Variants in WDFY4 observed in about 807,000 individuals in gnomAD.
The protein encoded by WDFY4 is WDFY family member 4, also known as WD repeat- and FYVE domain-containing protein 4.
A neutral mutation model predicts 351.9 loss-of-function variants in WDFY4; 169 were observed. The ratio of observed to expected loss-of-function variants is 0.48; its 90% CI spans 0.42 to 0.55. The LOEUF (loss-of-function observed/expected upper bound fraction) is 0.55, where lower values mean the gene tolerates loss of function less well. Among genes scored for constraint, WDFY4 ranks in the 20% least tolerant of loss-of-function variants. The probability of loss-of-function intolerance (pLI) is 0.00; values close to 1 mark genes in which losing one functional copy is unlikely to be tolerated. For synonymous variants in WDFY4, 1,622 were observed against 1,574.6 expected, an observed-to-expected ratio of 1.03 and a Z score of -0.71; for missense variants, 3,803 against 3,935.6, an observed-to-expected ratio of 0.97 and a Z score of 0.90.
intron 13 of WDFY4, among the ~76,000 whole-genome samples, chr10:48,772,341 G>C (rs544806355): frequency 6.6e-6 from 1 of 152,206 alleles, no homozygotes; most frequent in African/African-American, 2.4e-5. Context: ...TGTGCACACA[G>C]GCATGTATGG....
intron 12 of WDFY4, among the ~76,000 whole-genome samples, chr10:48,757,880 C>A (rs1384431428): frequency 6.6e-6 from 1 of 152,010 alleles, no homozygotes; most frequent in African/African-American, 2.4e-5. Flanking sequence ...TACCTCTACG[C>A]CGTTCCCTCT....
intron 45 of WDFY4, among the ~76,000 whole-genome samples, chr10:48,900,020 C>A (rs1402126200): frequency 6.6e-6 from 1 of 152,118 alleles, no homozygotes; most frequent in South Asian, 2.1e-4. Flanking sequence ...TGTGGTCAGG[C>A]CCCCTGCCCT....
intron 7 of WDFY4, among the ~76,000 whole-genome samples, chr10:48,728,495 A>C (rs2064344399): frequency 6.6e-6 from 1 of 152,066 alleles, no homozygotes; most frequent in Admixed American, 6.6e-5. Context: ...AGAATGAGAC[A>C]CCCTCCTCCT....
intron 51 of WDFY4, among the ~76,000 whole-genome samples, chr10:48,955,507 C>T (rs1391720625): frequency 6.6e-6 from 1 of 152,240 alleles, no homozygotes; most frequent in Non-Finnish European, 1.5e-5. Flanking sequence ...CAGTTTGTCC[C>T]AGGTCCAGGG....
chr10:48,813,361 AT>A (rs2067521499), intron 30 of WDFY4, among the ~76,000 whole-genome samples: 1 of 152,198 alleles, frequency 6.6e-6, no homozygotes, highest in Non-Finnish European at 1.5e-5. Context: ...CTGAGTTTTT[AT>A]TTCTCTAACA....
chr10:48,857,666 C>T (rs992189758), intron 39 of WDFY4, among the ~76,000 whole-genome samples: 1 of 152,160 alleles, frequency 6.6e-6, no homozygotes, highest in African/African-American at 2.4e-5. Context: ...ATTAAAGTCT[C>T]TATATCCATC....
rs1218610066 is a variant in WDFY4, at chr10:48,706,848, G to A, written c.-17-2868G>A. The stretch of plus-strand genomic sequence containing the variant: ...TTGGATATCACTTAAGTGCCTAAGT[G>A]TAAGGGCTTATTAAATAAACAAGCA... On this transcript the variant is annotated intron_variant, in intron 1 of 61. Coordinates refer to ENST00000325239, the MANE Select transcript of WDFY4 (RefSeq NM_001394531.1). 2.0e-5 allele frequency among the ~76,000 whole-genome samples: 3 copies of A among 152,204 alleles called. No homozygotes were observed. In the East Asian group the frequency reaches 5.8e-4, roughly 29 times the overall value.
chr10:48,951,952 G>C (rs1841345078), intron 51 of WDFY4, among the ~76,000 whole-genome samples: 1 of 152,254 alleles, frequency 6.6e-6, no homozygotes, highest in South Asian at 2.1e-4. Flanking sequence ...TGTTAATTAA[G>C]TCACAGCCCA....
At chr10:48,957,043 G>T in intron 51 of WDFY4, 86 bp from the exon 52 acceptor site, 1 of 1,486,362 alleles carries the variant, frequency 6.7e-7, no homozygotes. Context: ...GGTGGAACCC[G>T]TGCCTCTGAG....
rs1280652986 is a variant in WDFY4, at chr10:48,811,642, G to A, written c.5148G>A (p.Glu1716=). The A allele has an allele frequency of 1.9e-6, 3 of 1,551,874 alleles. No individual in the cohort carries two copies. The highest frequency in any genetic ancestry group is 2.6e-6 in the Non-Finnish European group (3 of 1,147,054). The change falls in exon 30 of 62, where the codon GAG becomes GAA. Residue 1716 remains glutamate (E), a synonymous_variant. Coordinates refer to ENST00000325239, the MANE Select transcript of WDFY4 (RefSeq NM_001394531.1). Reference sequence around the variant, plus strand: ...TGGCCCACCACGTCCACATTCCAGAGGTCTACCTCATCGTCTCCACCTTCT... The same window carrying A: ...TGGCCCACCACGTCCACATTCCAGAAGTCTACCTCATCGTCTCCACCTTCT... The part of the protein sequence containing the change: ...DFLAHHVHIP[E]VYLIVSTFFL...
Position 48,900,283 on chromosome 10 carries a change from T to C in WDFY4, c.7500T>C (p.Asn2500=), listed in dbSNP as rs1837288485. The C allele has an allele frequency of 2.6e-6, 4 of 1,551,662 alleles. No individual in the cohort carries two copies. In the East Asian group the frequency reaches 7.3e-5, roughly 28 times the overall value. ...CCAAGTTTCTTGTCTTCTACAACAA[T>C]GATCGGAGTAAGGCCTTTAAAAGGT... ...GYSKFLVFYN[N]DRSKAFKSFC... Residue 2500 remains asparagine, a synonymous_variant, in exon 46 of 62, where the codon AAT becomes AAC. Transcript: ENST00000325239.
At chr10:48,732,901 G>A (rs1031671477) in intron 9 of WDFY4, among the ~76,000 whole-genome samples, 4 of 152,214 alleles carry the variant, frequency 2.6e-5, no homozygotes, top group Non-Finnish European at 5.9e-5. Context: ...TCAGGACTGC[G>A]AAGGATGAGC....
chr10:48,837,538 G>C (rs2068445915), intron 39 of WDFY4, among the ~76,000 whole-genome samples: 1 of 152,170 alleles, frequency 6.6e-6, no homozygotes, highest in Non-Finnish European at 1.5e-5. Flanking sequence ...GCTGTAGCTG[G>C]AGTAGTGAAC....
chr10:48,830,958 T>G, intron 38 of WDFY4, 73 bp downstream of exon 38: 2 of 1,461,456 alleles, frequency 1.4e-6, no homozygotes, highest in South Asian at 2.7e-5. Context: ...AAGGTTCAAC[T>G]CAGTGCCTAG....
chr10:48,897,419 T>G lies in WDFY4; in HGVS notation c.7317-35T>G, dbSNP rs1213091784. On this transcript the variant is annotated intron_variant, in intron 44 of 61. Coordinates refer to ENST00000325239, the MANE Select transcript of WDFY4 (RefSeq NM_001394531.1). ...CTGCACGTGTCCTCACTCTGATGTCTGAACATGTGCCCTGCATGCCTGTTT... is the reference window on the plus strand; with the variant it reads ...CTGCACGTGTCCTCACTCTGATGTCGGAACATGTGCCCTGCATGCCTGTTT... 4 of 1,544,596 alleles carry G rather than the reference T, an allele frequency of 2.6e-6. No individual in the cohort carries two copies. In the African/African-American group the frequency reaches 5.5e-5, roughly 21 times the overall value.
chr10:48,844,656 G>A (rs916326916), intron 39 of WDFY4, among the ~76,000 whole-genome samples: 6 of 152,160 alleles, frequency 3.9e-5, no homozygotes, highest in African/African-American at 1.4e-4. Context: ...GCTCCCAGGT[G>A]CTTGTGTATC....
At chr10:48,925,061 G>A (rs1241200443) in intron 47 of WDFY4, among the ~76,000 whole-genome samples, 1 of 152,220 alleles carries the variant, frequency 6.6e-6, no homozygotes, top group Non-Finnish European at 1.5e-5. Flanking sequence ...GCAGTTTCAT[G>A]TCATGTGGAT....
At chr10:48,932,841 G>A (rs1376121534) in intron 47 of WDFY4, among the ~76,000 whole-genome samples, 1 of 152,176 alleles carries the variant, frequency 6.6e-6, no homozygotes, top group Non-Finnish European at 1.5e-5. Context: ...CATCTGAGCT[G>A]TAACTAGAAT....
chr10:48,774,931 G>T (rs1463600134), intron 14 of WDFY4, among the ~76,000 whole-genome samples: 1 of 152,064 alleles, frequency 6.6e-6, no homozygotes, highest in Non-Finnish European at 1.5e-5. Flanking sequence ...GCTGCATTCC[G>T]AGGCCTGTAG....
Sources: gnomAD v4.1 joint callset for allele counts (sites outside exome capture counted in the v4.1 genomes callset) on GRCh38, gnomAD v4.1.1 for gene constraint, MANE v1.5 for transcripts, NCBI Gene and HGNC (gene_info 2026-07-23, HGNC 2026-07-21) for gene names.